Variants in EIF4G3 observed in about 807,000 individuals in gnomAD.
The protein encoded by EIF4G3 is eIF-4-gamma 3.
In EIF4G3, 34 loss-of-function variants were observed where a neutral mutation model predicts 186.4. The observed-to-expected ratio is 0.18, with a 90% CI of 0.14 to 0.24. The LOEUF (loss-of-function observed/expected upper bound fraction) is 0.24. EIF4G3 is among the 10% of genes least tolerant of loss of function. EIF4G3 has a pLI of 1.00. For missense variants in EIF4G3, 1,536 were observed against 1,948.5 expected (o/e 0.79, Z 3.99); for synonymous variants, 673 against 679.5 (o/e 0.99, Z 0.15).
At chr1:20,931,857 G>A (rs1344609811) in intron 14 of EIF4G3, among the ~76,000 whole-genome samples, 1 of 151,916 alleles carries the variant, frequency 6.6e-6, no homozygotes, top group African/African-American at 2.4e-5. Flanking sequence ...CCCGGGAGGC[G>A]GAGGTTGCAG....
At chr1:20,935,148 A>G (rs2095478237) in intron 14 of EIF4G3, among the ~76,000 whole-genome samples, 1 of 152,192 alleles carries the variant, frequency 6.6e-6, no homozygotes, top group Non-Finnish European at 1.5e-5. Context: ...TTTTGTATTG[A>G]CATACCATCT....
intron 2 of EIF4G3, among the ~76,000 whole-genome samples, chr1:21,170,648 G>A (rs2097943785): frequency 1.3e-5 from 2 of 152,088 alleles, no homozygotes; most frequent in African/African-American, 4.8e-5. Flanking sequence ...TCCAGCCTGG[G>A]CGACAGAGAC....
At chr1:21,118,297 G>A (rs2096863965) in intron 2 of EIF4G3, among the ~76,000 whole-genome samples, 1 of 151,800 alleles carries the variant, frequency 6.6e-6, no homozygotes, top group African/African-American at 2.4e-5. Context: ...CTCAGGGTGT[G>A]GATCATAACT....
chr1:21,108,278 A>G (rs2102046312), intron 2 of EIF4G3, among the ~76,000 whole-genome samples: 1 of 152,366 alleles, frequency 6.6e-6, no homozygotes, highest in South Asian at 2.1e-4. Flanking sequence ...CTAGGTATAT[A>G]AAACAGATGT....
intron 2 of EIF4G3, among the ~76,000 whole-genome samples, chr1:21,095,807 C>A (rs904131766): frequency 2.7e-5 from 4 of 150,794 alleles, no homozygotes; most frequent in East Asian, 1.9e-4. Flanking sequence ...AAAAAAAAAA[C>A]AAAACAATAT....
At chr1:21,061,373 G>A (rs961132971) in intron 3 of EIF4G3, among the ~76,000 whole-genome samples, 2 of 152,114 alleles carry the variant, frequency 1.3e-5, no homozygotes, top group African/African-American at 2.4e-5. Context: ...TGTTATTACT[G>A]TGAGACAGGA....
chr1:20,879,189 A>T, intron 20 of EIF4G3, 134 bp downstream of exon 20: 1 of 615,958 alleles, frequency 1.6e-6, no homozygotes, highest in Non-Finnish European at 2.5e-6. Context: ...AATAATGAGA[A>T]TATTATATCA....
intron 2 of EIF4G3, among the ~76,000 whole-genome samples, chr1:21,153,433 T>G (rs1185521629): frequency 6.6e-6 from 1 of 152,208 alleles, no homozygotes; most frequent in Non-Finnish European, 1.5e-5. Flanking sequence ...ATTCTAACCC[T>G]CGCATTCTAA....
chr1:21,143,554 G>A (rs2097378325), intron 2 of EIF4G3, among the ~76,000 whole-genome samples: 1 of 152,078 alleles, frequency 6.6e-6, no homozygotes, highest in Admixed American at 6.6e-5. Flanking sequence ...ATTTACTAAC[G>A]TTATGTCTAT....
intron 2 of EIF4G3, among the ~76,000 whole-genome samples, chr1:21,150,324 G>C (rs758856727): frequency 5.9e-5 from 9 of 152,128 alleles, no homozygotes; most frequent in Non-Finnish European, 1.0e-4. Context: ...AAAAAATGTT[G>C]CAATAATATG....
intron 4 of EIF4G3, among the ~76,000 whole-genome samples, chr1:21,044,410 A>G (rs1359530296): frequency 1.3e-5 from 2 of 152,158 alleles, no homozygotes; most frequent in African/African-American, 4.8e-5. Context: ...AGTGGGGGCC[A>G]TGGGGAGTGT....
chr1:21,139,350 G>A (rs1017247994), intron 2 of EIF4G3, among the ~76,000 whole-genome samples: 1 of 152,112 alleles, frequency 6.6e-6, no homozygotes, highest in Non-Finnish European at 1.5e-5. Context: ...AGAACATTGG[G>A]AGGCTGAGGC....
Position 21,041,199 on chromosome 1 carries a change from A to T in EIF4G3, c.-67+9667T>A, listed in dbSNP as rs144067027. Reference sequence around the variant, plus strand: ...CCCCTTTCCTGACTTTCTCTCAGGGATGTCAGCTGCTTTCTGCAGTTATTA... The same window carrying T: ...CCCCTTTCCTGACTTTCTCTCAGGGTTGTCAGCTGCTTTCTGCAGTTATTA... On this transcript the variant is annotated intron_variant, in intron 4 of 36. Transcript: ENST00000602326. Among the ~76,000 whole-genome samples the T allele has an allele frequency of 1.9e-3, 288 of 152,196 alleles. 2 individuals are homozygous for T. The highest frequency in any genetic ancestry group is 6.6e-3 in the African/African-American group (274 of 41,522).
chr1:21,090,710 G>A (rs913193690), intron 2 of EIF4G3, among the ~76,000 whole-genome samples: 3 of 152,114 alleles, frequency 2.0e-5, no homozygotes, highest in African/African-American at 7.2e-5. Context: ...CCAGCTGAAC[G>A]TTCCTAAACC....
At chr1:20,914,470 A>G (rs1285264442) in intron 14 of EIF4G3, among the ~76,000 whole-genome samples, 2 of 152,170 alleles carry the variant, frequency 1.3e-5, no homozygotes, top group African/African-American at 4.8e-5. Context: ...TCTCTAACAG[A>G]TAAAAAAGAC....
At chr1:20,838,672 T>C (rs2067483432) in intron 30 of EIF4G3, among the ~76,000 whole-genome samples, 1 of 152,152 alleles carries the variant, frequency 6.6e-6, no homozygotes, top group Admixed American at 6.5e-5. Context: ...TCTAGCTTAT[T>C]GCTGAAAGAA....
chr1:20,968,376 C>T (rs2075160540), intron 12 of EIF4G3, among the ~76,000 whole-genome samples: 1 of 152,074 alleles, frequency 6.6e-6, no homozygotes, highest in Admixed American at 6.5e-5. Flanking sequence ...GATGGGGTTT[C>T]ACCATGTTGG....
At chr1:21,111,075 T>C (rs1202162120) in intron 2 of EIF4G3, among the ~76,000 whole-genome samples, 1 of 152,216 alleles carries the variant, frequency 6.6e-6, no homozygotes, top group Non-Finnish European at 1.5e-5. Context: ...GGAAAATATG[T>C]ACAGAAAAGG....
chr1:21,018,846 G>A (rs1216703660), intron 4 of EIF4G3, among the ~76,000 whole-genome samples: 1 of 151,878 alleles, frequency 6.6e-6, no homozygotes, highest in Non-Finnish European at 1.5e-5. Context: ...AGCTTCCTGA[G>A]GCCCTTATCT....
Sources: allele counts gnomAD v4.1 joint callset (sites outside exome capture counted in the v4.1 genomes callset), GRCh38; gene constraint gnomAD v4.1.1; transcripts MANE v1.5; gene names NCBI Gene and HGNC (gene_info 2026-07-23, HGNC 2026-07-21).